UNC13C: variants seen among roughly 807,000 people sequenced by gnomAD.
UNC13C encodes the protein protein unc-13 homolog C.
UNC13C carries 174 observed loss-of-function variants against 245.4 expected under a neutral mutation model. The observed-to-expected ratio is 0.71, with a 90% CI of 0.63 to 0.80. UNC13C has a LOEUF of 0.80. Ranked by LOEUF, UNC13C falls within the 30% of genes least tolerant of loss-of-function variation. The probability of loss-of-function intolerance (pLI) is 0.00; values close to 1 mark genes in which losing one functional copy is unlikely to be tolerated. For synonymous variants in UNC13C, 992 were observed against 895.1 expected, an observed-to-expected ratio of 1.11 and a Z score of -1.93; for missense variants, 2,829 against 2,602.9, an observed-to-expected ratio of 1.09 and a Z score of -1.89.
intron 25 of UNC13C, among the ~76,000 whole-genome samples, chr15:54,530,007 G>T (rs1895662564): frequency 2.0e-5 from 3 of 152,138 alleles, no homozygotes; most frequent in Admixed American, 6.6e-5. Context: ...ATCAAAACTG[G>T]TGTAGGGGAT....
At chr15:54,462,740 A>C (rs1891920349) in intron 19 of UNC13C, among the ~76,000 whole-genome samples, 1 of 152,150 alleles carries the variant, frequency 6.6e-6, no homozygotes. Flanking sequence ...CCCCCAACCC[A>C]TGGGCTCCCG....
Position 54,322,068 on chromosome 15 carries a change from A to G in UNC13C, c.4398A>G (p.Ser1466=). 6.3e-6 allele frequency: 10 copies of G among 1,584,256 alleles called. No individual in the cohort carries two copies. The highest frequency in any genetic ancestry group is 8.6e-6 in the Non-Finnish European group (10 of 1,164,866). ...TVSTNIQVSA[S]DRFAATNFGR... is the part of the protein sequence containing the mutation. ...CAACAAACATACAGGTTTCTGCCTC[A>G]GATCGATTTGCTGCTACCAACTTTG... is the stretch of plus-strand genomic sequence containing the variant. Residue 1466 remains serine, a synonymous_variant, in exon 14 of 33, where the codon TCA becomes TCG. Coordinates refer to ENST00000260323, the MANE Select transcript of UNC13C (RefSeq NM_001080534.3).
At chr15:54,165,842 C>G (rs1310790284) in intron 4 of UNC13C, among the ~76,000 whole-genome samples, 1 of 150,722 alleles carries the variant, frequency 6.6e-6, no homozygotes, top group Non-Finnish European at 1.5e-5. Context: ...TCCTTTTTTT[C>G]TCCCTCCCTC....
At chr15:53,902,033 A>G in the UNC13C span, among the ~76,000 whole-genome samples, 1 of 148,970 alleles carries the variant, frequency 6.7e-6, no homozygotes, top group Non-Finnish European at 1.5e-5. Flanking sequence ...CCACATGTGC[A>G]TTAGTTTTCA....
At chr15:53,949,062 C>A in the UNC13C span, among the ~76,000 whole-genome samples, 1 of 152,176 alleles carries the variant, frequency 6.6e-6, no homozygotes, top group Non-Finnish European at 1.5e-5. Context: ...CCTCAAGGGA[C>A]TTATAATCTA....
intron 14 of UNC13C, among the ~76,000 whole-genome samples, chr15:54,329,582 T>C (rs1183604484): frequency 6.6e-6 from 1 of 152,040 alleles, no homozygotes; most frequent in Non-Finnish European, 1.5e-5. Flanking sequence ...CTACAGGCAG[T>C]AGGCTTGCTC....
At chr15:54,550,784 C>T (rs1266014076) in intron 28 of UNC13C, among the ~76,000 whole-genome samples, 1 of 152,082 alleles carries the variant, frequency 6.6e-6, no homozygotes, top group African/African-American at 2.4e-5. Context: ...GATCTTTATC[C>T]CTTTCTGTAT....
the UNC13C span, among the ~76,000 whole-genome samples, chr15:53,960,047 C>T: frequency 6.6e-6 from 1 of 152,142 alleles, no homozygotes; most frequent in Admixed American, 6.5e-5. Flanking sequence ...ACAGTGAGAT[C>T]ACCCTCTCTC....
At chr15:54,185,322 GT>G (rs768665949) in intron 4 of UNC13C, among the ~76,000 whole-genome samples, 1 of 152,000 alleles carries the variant, frequency 6.6e-6, no homozygotes, top group Admixed American at 6.5e-5. Flanking sequence ...TGCTTTTGGT[GT>G]TTTAGACATG....
At position 54,202,398 on chromosome 15, in the gene UNC13C, C is replaced by CA. The variant is rs554331128; in HGVS notation, c.3072-32631dup. Among the ~76,000 whole-genome samples, 7 of 151,996 alleles carry CA rather than the reference C, an allele frequency of 4.6e-5. No individual in the cohort carries two copies. The East Asian group carries it at 1.4e-3, about 29-fold the overall frequency. On this transcript the variant is annotated intron_variant, in intron 4 of 32. Transcript: ENST00000260323. ...GCAAGAAGAACAAATATGGAGGCAT[C>CA]ACATTACCCAAATTCAAACTATACT...
At chr15:54,275,117 C>A (rs543906896) in intron 10 of UNC13C, among the ~76,000 whole-genome samples, 17 of 152,104 alleles carry the variant, frequency 1.1e-4, no homozygotes, top group African/African-American at 4.1e-4. Flanking sequence ...CATCTAAATG[C>A]CCCGAATAAA....
At chr15:54,061,146 T>TA (rs1283918110) in intron 2 of UNC13C, among the ~76,000 whole-genome samples, 2 of 149,196 alleles carry the variant, frequency 1.3e-5, no homozygotes, top group African/African-American at 5.0e-5. Context: ...AATCTAAATT[T>TA]AAAAAATAAA....
intron 30 of UNC13C, among the ~76,000 whole-genome samples, chr15:54,585,991 T>C (rs550945362): frequency 6.6e-6 from 1 of 152,276 alleles, no homozygotes; most frequent in Admixed American, 6.5e-5. Flanking sequence ...TCTTGCAACT[T>C]GGAGTAAGAT....
chr15:54,338,118 T>C (rs73415738), intron 16 of UNC13C, among the ~76,000 whole-genome samples: 1,536 of 152,332 alleles, frequency 0.01, 21 homozygotes, highest in African/African-American at 0.035. Context: ...AATCAATGCA[T>C]GAAGTACTAA....
chr15:54,600,346 C>T (rs1027731705), intron 30 of UNC13C, among the ~76,000 whole-genome samples: 50 of 151,948 alleles, frequency 3.3e-4, no homozygotes, highest in Middle Eastern at 3.2e-3. Flanking sequence ...CATATGATTT[C>T]GGGATGAGAG....
chr15:54,412,687 GCAGA>G (rs2040440066), intron 18 of UNC13C, among the ~76,000 whole-genome samples: 1 of 152,098 alleles, frequency 6.6e-6, no homozygotes, highest in African/African-American at 2.4e-5. Flanking sequence ...CATTTTCTAT[GCAGA>G]CAATTTTTAG....
chr15:54,085,817 A>C (rs1899207354), intron 2 of UNC13C, among the ~76,000 whole-genome samples: 1 of 152,154 alleles, frequency 6.6e-6, no homozygotes, highest in Admixed American at 6.5e-5. Context: ...GATCAATTTT[A>C]AGCTCTGTAT....
chr15:54,249,365 G>T (rs567734807), intron 7 of UNC13C, among the ~76,000 whole-genome samples: 23 of 152,148 alleles, frequency 1.5e-4, no homozygotes, highest in African/African-American at 5.5e-4. Flanking sequence ...CAGAGCAGAG[G>T]AGGAGGGTGA....
chr15:54,618,596 T>A (rs995820866), intron 30 of UNC13C, among the ~76,000 whole-genome samples: 14 of 152,018 alleles, frequency 9.2e-5, no homozygotes, highest in Non-Finnish European at 1.8e-4. Flanking sequence ...TTCAATTTCA[T>A]TTTTACCCTG....
Sources: allele counts gnomAD v4.1 joint callset (sites outside exome capture counted in the v4.1 genomes callset), GRCh38; gene constraint gnomAD v4.1.1; transcripts MANE v1.5; gene names NCBI Gene and HGNC (gene_info 2026-07-23, HGNC 2026-07-21).